The following FHIT variants were observed in gnomAD, a reference collection of about 807,000 sequenced individuals.
FHIT encodes fragile histidine triad diadenosine triphosphatase.
In FHIT, 19 loss-of-function variants were observed where a neutral mutation model predicts 17.9. The ratio of observed to expected loss-of-function variants is 1.06; its 90% confidence interval spans 0.74 to 1.56. The LOEUF (loss-of-function observed/expected upper bound fraction) is 1.56. Ranked by LOEUF, FHIT falls within the 40% of genes most tolerant of loss-of-function variation. The probability of loss-of-function intolerance (pLI) is 0.00; values close to 1 mark genes in which losing one functional copy is unlikely to be tolerated. For missense variants in FHIT, 248 were observed against 189.2 expected, an observed-to-expected ratio of 1.31 and a Z score of -1.82; for synonymous variants, 81 against 69.7, an observed-to-expected ratio of 1.16 and a Z score of -0.81.
chr3:60,252,661 A>T (rs891082850), intron 5 of FHIT, among the ~76,000 whole-genome samples: 2 of 152,118 alleles, frequency 1.3e-5, no homozygotes, highest in Admixed American at 1.3e-4. Flanking sequence ...TGTACATGGG[A>T]AAGAGCAAAT....
intron 7 of FHIT, among the ~76,000 whole-genome samples, chr3:59,994,360 T>C (rs1251397257): frequency 1.3e-5 from 2 of 152,086 alleles, no homozygotes; most frequent in Non-Finnish European, 2.9e-5. Context: ...ACTCAATCCA[T>C]CTGCAGAGAA....
chr3:60,659,575 T>C (rs2040193382), intron 4 of FHIT, among the ~76,000 whole-genome samples: 1 of 152,194 alleles, frequency 6.6e-6, no homozygotes, highest in Admixed American at 6.5e-5. Context: ...GAATTTTTCA[T>C]TTCAGTTATT....
At chr3:60,706,433 T>C (rs533387677) in intron 4 of FHIT, among the ~76,000 whole-genome samples, 2 of 152,310 alleles carry the variant, frequency 1.3e-5, no homozygotes, top group South Asian at 4.1e-4. Context: ...AGTGAAAACA[T>C]TAAAAGTGGA....
At chr3:61,243,204 T>C (rs2040413297) in intron 1 of FHIT, among the ~76,000 whole-genome samples, 2 of 152,220 alleles carry the variant, frequency 1.3e-5, no homozygotes, top group African/African-American at 4.8e-5. Context: ...TCACTTTGTC[T>C]AGTTTCTTCT....
intron 5 of FHIT, among the ~76,000 whole-genome samples, chr3:60,115,455 G>C (rs1051688379): frequency 6.6e-6 from 1 of 151,924 alleles, no homozygotes; most frequent in Non-Finnish European, 1.5e-5. Flanking sequence ...ATAATAAAAC[G>C]GTAATTTTGT....
At chr3:61,063,930 T>C (rs1340150641) in intron 2 of FHIT, among the ~76,000 whole-genome samples, 2 of 152,198 alleles carry the variant, frequency 1.3e-5, no homozygotes, top group South Asian at 2.1e-4. Flanking sequence ...AGCATTAACA[T>C]GGACAGAAGT....
intron 5 of FHIT, among the ~76,000 whole-genome samples, chr3:60,078,762 C>T (rs1007616418): frequency 5.3e-5 from 8 of 152,038 alleles, no homozygotes; most frequent in Non-Finnish European, 8.8e-5. Context: ...ATTATATATA[C>T]ATTTATACAC....
At chr3:60,505,525 C>T (rs901591794) in intron 5 of FHIT, among the ~76,000 whole-genome samples, 2 of 152,092 alleles carry the variant, frequency 1.3e-5, no homozygotes, top group African/African-American at 2.4e-5. Context: ...ATTTTTAAGC[C>T]GTTTGTAACT....
chr3:61,042,748 G>A (rs1174546068), intron 2 of FHIT, among the ~76,000 whole-genome samples: 1 of 151,706 alleles, frequency 6.6e-6, no homozygotes, highest in Non-Finnish European at 1.5e-5. Flanking sequence ...GCTGAGGCAG[G>A]AGAATTGCTT....
chr3:60,234,374 A>C (rs1704659258), intron 5 of FHIT, among the ~76,000 whole-genome samples: 1 of 152,232 alleles, frequency 6.6e-6, no homozygotes, highest in South Asian at 2.1e-4. Context: ...CAATTAATGA[A>C]TAATTAATAC....
chr3:60,951,381 T>C (rs1459919648), intron 3 of FHIT, among the ~76,000 whole-genome samples: 2 of 152,064 alleles, frequency 1.3e-5, no homozygotes, highest in South Asian at 4.2e-4. Context: ...GTTTTTCGAG[T>C]CATGGAACAC....
chr3:61,207,151 G>C (rs2039267000), intron 1 of FHIT, among the ~76,000 whole-genome samples: 1 of 152,176 alleles, frequency 6.6e-6, no homozygotes, highest in African/African-American at 2.4e-5. Flanking sequence ...AACCAGCCTT[G>C]CATCCCAGGG....
chr3:60,067,680 T>C (rs1702577262), intron 5 of FHIT, among the ~76,000 whole-genome samples: 1 of 152,150 alleles, frequency 6.6e-6, no homozygotes, highest in Non-Finnish European at 1.5e-5. Context: ...ACTCATCACT[T>C]TTTCTTTTTA....
intron 3 of FHIT, among the ~76,000 whole-genome samples, chr3:60,989,666 A>G (rs1360190732): frequency 6.6e-6 from 1 of 152,088 alleles, no homozygotes; most frequent in Non-Finnish European, 1.5e-5. Flanking sequence ...GGAAAACTCT[A>G]CTTCTGTTAA....
At chr3:60,915,703 T>C (rs557316212) in intron 3 of FHIT, among the ~76,000 whole-genome samples, 1 of 152,282 alleles carries the variant, frequency 6.6e-6, no homozygotes, top group East Asian at 1.9e-4. Context: ...TAAAAGAAAC[T>C]TTTAGGTGTT....
chr3:60,667,119 C>T (rs1260599053), intron 4 of FHIT, among the ~76,000 whole-genome samples: 1 of 149,532 alleles, frequency 6.7e-6, no homozygotes, highest in African/African-American at 2.5e-5. Flanking sequence ...AATATGGCCA[C>T]CTCAGCCTCC....
At chr3:60,315,207 T>A (rs944732835) in intron 5 of FHIT, among the ~76,000 whole-genome samples, 1 of 152,164 alleles carries the variant, frequency 6.6e-6, no homozygotes, top group African/African-American at 2.4e-5. Context: ...CCTGTGGGAA[T>A]CTCTCACCCA....
chr3:60,801,129 A>G (rs2106661635), intron 4 of FHIT, among the ~76,000 whole-genome samples: 1 of 152,312 alleles, frequency 6.6e-6, no homozygotes, highest in South Asian at 2.1e-4. Context: ...TACATGCTTC[A>G]GATGTATATG....
At chr3:59,905,969 T>C (rs1056259048) in intron 8 of FHIT, among the ~76,000 whole-genome samples, 5 of 152,180 alleles carry the variant, frequency 3.3e-5, no homozygotes, top group Admixed American at 2.6e-4. Context: ...TTCTGGAAGG[T>C]ACTGTGTGAT....
Sources: gnomAD v4.1 joint callset for allele counts (sites outside exome capture counted in the v4.1 genomes callset) on GRCh38, gnomAD v4.1.1 for gene constraint, MANE v1.5 for transcripts, NCBI Gene and HGNC (gene_info 2026-07-23, HGNC 2026-07-21) for gene names.